Variants in FCHSD2 observed in about 807,000 individuals in gnomAD.
FCHSD2 encodes the protein FCH and double SH3 domains 2, also known as F-BAR and double SH3 domains protein 2.
A neutral mutation model predicts 108.1 loss-of-function variants in FCHSD2; 38 were observed. The observed-to-expected ratio is 0.35, with a 90% CI of 0.27 to 0.46. The LOEUF is 0.46. Among genes scored for constraint, FCHSD2 ranks in the 20% least tolerant of loss-of-function variants. FCHSD2 has a pLI of 1.00. For synonymous variants in FCHSD2, 279 were observed against 314.7 expected, an observed-to-expected ratio of 0.89 and a Z score of 1.20; for missense variants, 751 against 897.8, an observed-to-expected ratio of 0.84 and a Z score of 2.09.
intron 9 of FCHSD2, among the ~76,000 whole-genome samples, chr11:72,917,685 A>AGT (rs1855901244): frequency 6.6e-6 from 1 of 152,214 alleles, no homozygotes; most frequent in African/African-American, 2.4e-5. Flanking sequence ...CAGGAGTTCA[A>AGT]GACTAGCCTG....
At chr11:72,942,292 A>G (rs1399251918) in intron 8 of FCHSD2, among the ~76,000 whole-genome samples, 2 of 152,180 alleles carry the variant, frequency 1.3e-5, no homozygotes, top group Non-Finnish European at 2.9e-5. Context: ...CATGATTGTA[A>G]GTTTCCTGAG....
chr11:73,117,213 G>C (rs1243192122), intron 2 of FCHSD2, among the ~76,000 whole-genome samples: 2 of 152,094 alleles, frequency 1.3e-5, no homozygotes, highest in Non-Finnish European at 2.9e-5. Flanking sequence ...CTATGAATTT[G>C]ATTCTATTAT....
intron 5 of FCHSD2, among the ~76,000 whole-genome samples, chr11:72,996,663 A>G (rs78195769): frequency 0.049 from 7,493 of 152,316 alleles, 503 homozygotes; most frequent in African/African-American, 0.15. Flanking sequence ...ATCTTTAAAA[A>G]AACATGAACT....
rs184118909 is a variant in FCHSD2, at chr11:73,011,847, C to A, written c.242+3962G>T. 2.6e-4 allele frequency among the ~76,000 whole-genome samples: 40 copies of A among 152,244 alleles called. No individual in the cohort carries two copies. In the East Asian group the frequency reaches 3.3e-3, roughly 12 times the overall value. ...ACTTTAGGTATTTCCTGTCACTTTT[C>A]TGTTGAATTCCAGTGTTCTCTTGGA... On this transcript the variant is annotated intron_variant, in intron 4 of 19. Coordinates refer to ENST00000409418, the MANE Select transcript of FCHSD2 (RefSeq NM_014824.3).
chr11:73,127,976 T>C (rs1421575757), intron 2 of FCHSD2, among the ~76,000 whole-genome samples: 1 of 147,118 alleles, frequency 6.8e-6, no homozygotes, highest in Non-Finnish European at 1.5e-5. Flanking sequence ...ATCACACCAC[T>C]GTACTCCAGC....
intron 8 of FCHSD2, among the ~76,000 whole-genome samples, chr11:72,969,255 T>C (rs1434580513): frequency 6.6e-6 from 1 of 152,244 alleles, no homozygotes; most frequent in Non-Finnish European, 1.5e-5. Context: ...GTTTATTATC[T>C]TCACCTACAG....
intron 9 of FCHSD2, among the ~76,000 whole-genome samples, 194 bp from the exon 10 acceptor site, chr11:72,902,832 C>T (rs1354783707): frequency 2.0e-5 from 3 of 151,974 alleles, no homozygotes; most frequent in Non-Finnish European, 2.9e-5. Flanking sequence ...CCTATTTTCT[C>T]AAAAATAAAT....
chr11:72,968,506 C>G (rs1856954135), intron 8 of FCHSD2, among the ~76,000 whole-genome samples: 1 of 152,178 alleles, frequency 6.6e-6, no homozygotes, highest in South Asian at 2.1e-4. Flanking sequence ...TACATAGGAT[C>G]AGAATAACTG....
chr11:72,930,924 T>C (rs549728217), intron 8 of FCHSD2, among the ~76,000 whole-genome samples: 51 of 152,126 alleles, frequency 3.4e-4, no homozygotes, highest in African/African-American at 1.2e-3. Context: ...TTTTAAAATA[T>C]CTTAAGAGTG....
chr11:72,935,389 T>C (rs1328370287), intron 8 of FCHSD2, among the ~76,000 whole-genome samples: 2 of 152,186 alleles, frequency 1.3e-5, no homozygotes, highest in East Asian at 1.9e-4. Flanking sequence ...TAATGCAGCC[T>C]AGAAAAACAA....
rs778888175 is a variant in FCHSD2 at position 72,841,567 on chromosome 11, T to C, written c.1943A>G (p.Lys648Arg). ...CAGTGGAGGCAGGGAGGCGTGTGGC[T>C]TGGGGGAAGGAGAGATCTGCAGCAA... The part of the protein sequence containing the change: ...MREIQISPSP[K>R]PHASLPPLPL... The change falls in exon 18 of 20, where the codon AAG becomes AGG. Residue 648 changes from lysine to arginine, a missense_variant. Physicochemically the swap from Lys to Arg is conservative, Grantham distance 26. Transcript: ENST00000409418. 3 of 1,607,876 alleles carry C rather than the reference T, an allele frequency of 1.9e-6. No homozygotes were observed. Among genetic ancestry groups the C allele is most frequent in the Non-Finnish European group, 1.7e-6 (2 of 1,177,628 alleles).
intron 2 of FCHSD2, among the ~76,000 whole-genome samples, chr11:73,108,220 C>G (rs1350076168): frequency 6.6e-6 from 1 of 152,202 alleles, no homozygotes; most frequent in African/African-American, 2.4e-5. Flanking sequence ...AAAATGTCCA[C>G]TCAGATCTTT....
chr11:73,110,262 T>C (rs1860451368), intron 2 of FCHSD2, among the ~76,000 whole-genome samples: 1 of 151,750 alleles, frequency 6.6e-6, no homozygotes, highest in South Asian at 2.1e-4. Context: ...TTGACAGCAG[T>C]GGTATCAGTT....
In FCHSD2 at chr11:72,840,890, C is replaced by A; in HGVS notation, c.2126G>T (p.Gly709Val). The change falls in exon 19 of 20, where the codon GGC (glycine) becomes GTC (valine). Residue 709 changes from glycine to valine, a missense_variant. Gly to Val is a moderately radical substitution (Grantham distance 109). Transcript: ENST00000409418. ...ASRHTPETSYGKLRPVRAAPP... is the reference protein window; with the variant it reads ...ASRHTPETSYVKLRPVRAAPP... ...TCAGAGACTTACAGGTCGCAGTTTGCCATATGAGGTCTCAGGAGTATGCCT... is the reference window on the plus strand; with the variant it reads ...TCAGAGACTTACAGGTCGCAGTTTGACATATGAGGTCTCAGGAGTATGCCT... 6.2e-7 allele frequency: 1 copy of A among 1,610,818 alleles called. No individual in the cohort carries two copies. The highest frequency in any genetic ancestry group is 8.5e-7 in the Non-Finnish European group (1 of 1,177,138).
chr11:73,038,909 C>G (rs1467918089), intron 3 of FCHSD2, among the ~76,000 whole-genome samples: 1 of 152,102 alleles, frequency 6.6e-6, no homozygotes, highest in African/African-American at 2.4e-5. Flanking sequence ...TATGACATGC[C>G]TCCCACTTTA....
intron 9 of FCHSD2, among the ~76,000 whole-genome samples, chr11:72,916,280 A>C (rs1350721038): frequency 6.7e-6 from 1 of 149,014 alleles, no homozygotes; most frequent in East Asian, 1.9e-4. Context: ...TTTTAATTTC[A>C]TTGACCTTTT....
chr11:73,054,455 T>C (rs776474552), intron 3 of FCHSD2, among the ~76,000 whole-genome samples: 1 of 152,190 alleles, frequency 6.6e-6, no homozygotes, highest in Non-Finnish European at 1.5e-5. Context: ...AACCCTTCAA[T>C]GTAGTCTCTG....
At chr11:73,029,490 T>C (rs1175402284) in intron 3 of FCHSD2, among the ~76,000 whole-genome samples, 4 of 152,216 alleles carry the variant, frequency 2.6e-5, no homozygotes, top group African/African-American at 9.6e-5. Flanking sequence ...CCTGGCCCAT[T>C]GGCAGGCAGC....
intron 8 of FCHSD2, among the ~76,000 whole-genome samples, chr11:72,941,557 C>T (rs1340915531): frequency 6.6e-6 from 1 of 151,890 alleles, no homozygotes; most frequent in Non-Finnish European, 1.5e-5. Flanking sequence ...TTTAACTCAT[C>T]ACTGGTCAGA....
Sources: allele counts gnomAD v4.1 joint callset (sites outside exome capture counted in the v4.1 genomes callset), GRCh38; gene constraint gnomAD v4.1.1; transcripts MANE v1.5; gene names NCBI Gene and HGNC (gene_info 2026-07-23, HGNC 2026-07-21).